Variants in ABCA13 observed in about 807,000 individuals in gnomAD.
ABCA13 encodes ATP-binding cassette sub-family A member 13.
In ABCA13, 476 loss-of-function variants were observed where a neutral mutation model predicts 478.7. That is an observed-to-expected ratio of 0.99 (90% CI 0.92 to 1.07). The LOEUF (loss-of-function observed/expected upper bound fraction) is 1.07, where lower values mean the gene tolerates loss of function less well. Ranked by LOEUF, ABCA13 falls within the 50% of genes least tolerant of loss-of-function variation. The pLI, the probability that ABCA13 is intolerant of heterozygous loss-of-function variation, is 0.00. For missense variants in ABCA13, 6,060 were observed against 5,910.6 expected, an observed-to-expected ratio of 1.03 and a Z score of -0.83; for synonymous variants, 2,252 against 2,158.9, an observed-to-expected ratio of 1.04 and a Z score of -1.20.
chr7:48,468,160 GGA>G (rs1827091592), intron 44 of ABCA13, among the ~76,000 whole-genome samples: 1 of 131,508 alleles, frequency 7.6e-6, no homozygotes, highest in Non-Finnish European at 1.7e-5. Flanking sequence ...TCCTTCCAGA[GGA>G]AAAAAACAAA....
intron 27 of ABCA13, among the ~76,000 whole-genome samples, chr7:48,329,289 C>G (rs768141341): frequency 8.5e-5 from 13 of 152,158 alleles, no homozygotes; most frequent in Non-Finnish European, 1.8e-4. Context: ...GAGTAGAACC[C>G]TTTTGAAGGC....
chr7:48,634,902 G>A (rs115612043), intron 59 of ABCA13, among the ~76,000 whole-genome samples: 41 of 152,104 alleles, frequency 2.7e-4, no homozygotes, highest in East Asian at 7.7e-4. Flanking sequence ...TTACCCACAC[G>A]CAGCTGGTAA....
At chr7:48,441,658 CTATT>C (rs750256058) in intron 42 of ABCA13, among the ~76,000 whole-genome samples, 2 of 152,184 alleles carry the variant, frequency 1.3e-5, no homozygotes, top group African/African-American at 2.4e-5. Context: ...GAGAAAGAAA[CTATT>C]TATTAGCTGC....
At chr7:48,185,166 T>G (rs1312295210) in intron 1 of ABCA13, among the ~76,000 whole-genome samples, 3 of 152,322 alleles carry the variant, frequency 2.0e-5, no homozygotes, top group South Asian at 2.1e-4. Context: ...TAGCACAATT[T>G]GTTGCAGAAG....
chr7:48,342,780 T>C (rs1807440756), intron 29 of ABCA13, among the ~76,000 whole-genome samples: 1 of 152,194 alleles, frequency 6.6e-6, no homozygotes, highest in Non-Finnish European at 1.5e-5. Flanking sequence ...TTTCTCTTTA[T>C]ACTTCAGTTT....
At chr7:48,469,231 A>G (rs1043791773) in intron 44 of ABCA13, among the ~76,000 whole-genome samples, 1 of 152,230 alleles carries the variant, frequency 6.6e-6, no homozygotes, top group African/African-American at 2.4e-5. Flanking sequence ...ACAATAAATC[A>G]TCTCAGTACT....
chr7:48,336,066 G>GT (rs985239157), intron 28 of ABCA13, among the ~76,000 whole-genome samples: 8 of 152,096 alleles, frequency 5.3e-5, no homozygotes, highest in South Asian at 2.1e-4. Flanking sequence ...TTCATGTTTA[G>GT]TTTTTTTATT....
At chr7:48,501,353 G>A (rs1409248014) in intron 48 of ABCA13, among the ~76,000 whole-genome samples, 1 of 152,166 alleles carries the variant, frequency 6.6e-6, no homozygotes, top group Admixed American at 6.5e-5. Flanking sequence ...CTTAGGAATT[G>A]TCCAAGAGCT....
At chr7:48,310,546 G>A (rs1408522500) in intron 24 of ABCA13, among the ~76,000 whole-genome samples, 1 of 152,140 alleles carries the variant, frequency 6.6e-6, no homozygotes, top group Non-Finnish European at 1.5e-5. Context: ...ACTCCTGAGC[G>A]GCCCGAGTTA....
At chr7:48,635,089 C>G (rs1322720804) in intron 59 of ABCA13, among the ~76,000 whole-genome samples, 2 of 151,944 alleles carry the variant, frequency 1.3e-5, no homozygotes, top group Non-Finnish European at 2.9e-5. Flanking sequence ...CCCTGGTTCT[C>G]TCTGGTAAAT....
intron 1 of ABCA13, among the ~76,000 whole-genome samples, chr7:48,176,151 C>G (rs1453487178): frequency 2.0e-5 from 3 of 152,160 alleles, no homozygotes; most frequent in African/African-American, 7.2e-5. Context: ...AATCTTGCCT[C>G]CTGTGACTGC....
intron 55 of ABCA13, among the ~76,000 whole-genome samples, chr7:48,560,368 C>T (rs1234945394): frequency 2.0e-5 from 3 of 152,194 alleles, no homozygotes; most frequent in Admixed American, 1.3e-4. Context: ...CAGATTCCCT[C>T]TCCACACCAT....
At position 48,372,233 on chromosome 7, in the gene ABCA13, T is replaced by G; in HGVS notation, c.10869T>G (p.Ala3623=). 1 of 1,613,928 alleles carries G rather than the reference T, an allele frequency of 6.2e-7. No individual in the cohort carries two copies. The highest frequency in any genetic ancestry group is 8.5e-7 in the Non-Finnish European group (1 of 1,179,842). ...TGGCCTGGTTCCTGGAGAACATGGC[T>G]GTGTTGACCATAAGCAGTGCTACTC... ...HFLAWFLENM[A]VLTISSATLA... Residue 3623 remains alanine, a synonymous_variant, in exon 33 of 62, where the codon GCT becomes GCG. Transcript: ENST00000435803.
chr7:48,514,515 A>G (rs1831963266), intron 51 of ABCA13, among the ~76,000 whole-genome samples: 1 of 152,202 alleles, frequency 6.6e-6, no homozygotes, highest in Non-Finnish European at 1.5e-5. Context: ...TCACTCTTAG[A>G]ATGAATTTTA....
chr7:48,230,403 G>C (rs894896443), intron 7 of ABCA13, among the ~76,000 whole-genome samples: 1 of 152,166 alleles, frequency 6.6e-6, no homozygotes, highest in Admixed American at 6.5e-5. Flanking sequence ...CCACAGGGGA[G>C]GGAATGGAAT....
intron 55 of ABCA13, among the ~76,000 whole-genome samples, chr7:48,533,720 G>A (rs545851930): frequency 1.3e-5 from 2 of 151,608 alleles, no homozygotes; most frequent in South Asian, 4.2e-4. Context: ...TTTCTTGTTG[G>A]GCTAGTCCTT....
At chr7:48,633,319 A>G (rs1161896659) in intron 59 of ABCA13, among the ~76,000 whole-genome samples, 1 of 152,120 alleles carries the variant, frequency 6.6e-6, no homozygotes, top group Admixed American at 6.6e-5. Flanking sequence ...CCACATAATA[A>G]TACTGGGGGA....
At chr7:48,558,735 T>G (rs1205307772) in intron 55 of ABCA13, among the ~76,000 whole-genome samples, 1 of 152,230 alleles carries the variant, frequency 6.6e-6, no homozygotes, top group Admixed American at 6.5e-5. Flanking sequence ...TCAAAACGGC[T>G]ATTTTGAATT....
intron 7 of ABCA13, among the ~76,000 whole-genome samples, chr7:48,233,681 T>A (rs1057278368): frequency 6.6e-5 from 10 of 152,240 alleles, no homozygotes; most frequent in African/African-American, 2.4e-4. Flanking sequence ...CCTTAATTTT[T>A]GCTCAGATAT....
Sources: gnomAD v4.1 joint callset for allele counts (sites outside exome capture counted in the v4.1 genomes callset) on GRCh38, gnomAD v4.1.1 for gene constraint, MANE v1.5 for transcripts, NCBI Gene and HGNC (gene_info 2026-07-23, HGNC 2026-07-21) for gene names.